B3GNT5: variants seen among roughly 807,000 people sequenced by gnomAD.
B3GNT5 encodes the protein lactosylceramide 1,3-N-acetyl-beta-D-glucosaminyltransferase.
In B3GNT5, 11 loss-of-function variants were observed where a neutral mutation model predicts 25.9. That is an observed-to-expected ratio of 0.42 (90% CI 0.27 to 0.70). The LOEUF (loss-of-function observed/expected upper bound fraction) is 0.70. Among genes scored for constraint, B3GNT5 ranks in the 30% least tolerant of loss-of-function variants. The pLI, the probability that B3GNT5 is intolerant of heterozygous loss-of-function variation, is 0.23. For synonymous variants in B3GNT5, 166 were observed against 158.6 expected, an observed-to-expected ratio of 1.05 and a Z score of -0.35; for missense variants, 385 against 458.4, an observed-to-expected ratio of 0.84 and a Z score of 1.46.
intron 1 of B3GNT5, chr3:183,254,198 C>A (rs1346314297): frequency 6.6e-6 from 1 of 151,962 alleles, no homozygotes; most frequent in African/African-American, 2.4e-5. Flanking sequence ...TGAGGGCACG[C>A]CGGCCCTCGC....
rs572468347 is a variant in B3GNT5, at chr3:183,267,186, C to A, written c.-301-2312C>A. On this transcript the variant is annotated intron_variant, in intron 1 of 1. Coordinates refer to ENST00000326505, the MANE Select transcript of B3GNT5 (RefSeq NM_032047.5). The surrounding 1 kb of genome is among the most constrained non-coding windows in gnomAD (Gnocchi z 5.5). ...AAAGTTTCACAAAATGATTCTTGCT[C>A]TTACTACTCTCAGTACACTCTGTAT... Among the ~76,000 whole-genome samples, 202 of 152,220 alleles carry A rather than the reference C, an allele frequency of 1.3e-3. 3 individuals are homozygous for A. In the South Asian group the frequency reaches 0.034, roughly 26 times the overall value.
Position 183,270,810 on chromosome 3 carries a change from G to T in B3GNT5, c.1012G>T (p.Asp338Tyr). The T allele has an allele frequency of 6.2e-7, 1 of 1,613,992 alleles. No homozygotes were observed. ...DLQDLWKNAT[D>Y]PKVKTISKGF... The stretch of plus-strand genomic sequence containing the variant: ...CCAGGACCTTTGGAAGAATGCTACA[G>T]ATCCTAAAGTAAAAACCATTTCCAA... Residue 338 changes from aspartate (D) to tyrosine (Y), a missense_variant, in exon 2 of 2, where the codon GAT becomes TAT. Transcript: ENST00000326505. This position sits in a 1 kb window ranked among gnomAD's most constrained non-coding sequence, Gnocchi z 4.5.
chr3:183,267,941 C>T lies in B3GNT5; in HGVS notation c.-301-1557C>T, dbSNP rs1036695125. On this transcript the variant is annotated intron_variant, in intron 1 of 1. Transcript: ENST00000326505. This position sits in a 1 kb window ranked among gnomAD's most constrained non-coding sequence, Gnocchi z 5.5. ...TGGGGAATGCCTACCAGGGGTCACA[C>T]ACTGAGCTGGATGCTGAGTGTAGGG... Among the ~76,000 whole-genome samples, 5 of 152,202 alleles carry T rather than the reference C, an allele frequency of 3.3e-5. No individual in the cohort carries two copies. The highest frequency in any genetic ancestry group is 1.2e-4 in the African/African-American group (5 of 41,434).
At chr3:183,257,417 A>G (rs528095199) in intron 1 of B3GNT5, among the ~76,000 whole-genome samples, 1 of 152,308 alleles carries the variant, frequency 6.6e-6, no homozygotes, top group East Asian at 1.9e-4. Context: ...TTAGCATCCT[A>G]TCCTGCCCAT....
intron 1 of B3GNT5, among the ~76,000 whole-genome samples, chr3:183,261,221 T>G (rs1052390371): frequency 6.6e-6 from 1 of 152,188 alleles, no homozygotes; most frequent in African/African-American, 2.4e-5. Context: ...AAATTATAGC[T>G]TTTCCAGTAA....
chr3:183,253,302 C>G lies in B3GNT5; in HGVS notation c.-472C>G, dbSNP rs1416457123. 1 of 152,040 alleles carries G rather than the reference C, an allele frequency of 6.6e-6. No individual in the cohort carries two copies. Among genetic ancestry groups the G allele is most frequent in the South Asian group, 2.1e-4 (1 of 4,830 alleles). 9.4% of individuals were successfully genotyped at this position (152,040 alleles called of 1,614,324 possible). A position where few individuals can be genotyped will look rare whatever the true frequency, so the allele number is the denominator to read the frequency against. The stretch of plus-strand genomic sequence containing the variant: ...GAAGCGAGCCCAGTCCAGCGCTGCC[C>G]GTCCAGTCCTCGCCCAAGATTTAAA... On this transcript the variant is annotated 5_prime_UTR_variant, in exon 1 of 2. Coordinates refer to ENST00000326505, the MANE Select transcript of B3GNT5 (RefSeq NM_032047.5).
chr3:183,253,628 C>A (rs947906405), intron 1 of B3GNT5, 156 bp downstream of exon 1: 3 of 152,334 alleles, frequency 2.0e-5, no homozygotes, highest in Non-Finnish European at 4.4e-5. Flanking sequence ...GACCAGAAAC[C>A]TTTTAACAAG....
At chr3:183,269,264 A>G (rs1726490571) in intron 1 of B3GNT5, among the ~76,000 whole-genome samples, 1 of 90,028 alleles carries the variant, frequency 1.1e-5, no homozygotes, top group African/African-American at 6.8e-5. Flanking sequence ...TAGGAGTAGA[A>G]AAAGGTCTCT....
chr3:183,272,178 T>A lies in B3GNT5; in HGVS notation c.*1243T>A. ...TGCATGTTCCTTGTAATCAAAGAGA[T>A]GTGTCTGAGATCTAATAGAGTAAGT... On this transcript the variant is annotated 3_prime_UTR_variant, in exon 2 of 2. Coordinates refer to ENST00000326505, the MANE Select transcript of B3GNT5 (RefSeq NM_032047.5). The A allele has an allele frequency of 1.0e-6, 1 of 1,000,284 alleles. No individual in the cohort carries two copies. The highest frequency in any genetic ancestry group is 1.7e-5 in the African/African-American group (1 of 57,364). 62.0% of individuals were successfully genotyped at this position (1,000,284 alleles called of 1,614,324 possible). A position where few individuals can be genotyped will look rare whatever the true frequency, so the allele number is the denominator to read the frequency against.
chr3:183,257,845 A>T (rs1045362411), intron 1 of B3GNT5, among the ~76,000 whole-genome samples: 2 of 151,728 alleles, frequency 1.3e-5, no homozygotes, highest in African/African-American at 4.8e-5. Context: ...TAGCCAAACT[A>T]AGTGATTTGA....
At chr3:183,262,487 T>G (rs1725702405) in intron 1 of B3GNT5, among the ~76,000 whole-genome samples, 1 of 152,136 alleles carries the variant, frequency 6.6e-6, no homozygotes, top group African/African-American at 2.4e-5. Context: ...ATCAAAATAT[T>G]ATACTGACTA....
At chr3:183,264,173 G>C (rs1381805539) in intron 1 of B3GNT5, among the ~76,000 whole-genome samples, 2 of 152,156 alleles carry the variant, frequency 1.3e-5, no homozygotes, top group Non-Finnish European at 2.9e-5. Context: ...TGATTTTCAA[G>C]GTTCTCCATA....
chr3:183,259,374 A>G (rs960728365), intron 1 of B3GNT5, among the ~76,000 whole-genome samples: 1 of 152,152 alleles, frequency 6.6e-6, no homozygotes, highest in Non-Finnish European at 1.5e-5. Context: ...AGGGCTGGGT[A>G]TGCATTTTAG....
intron 1 of B3GNT5, among the ~76,000 whole-genome samples, chr3:183,268,189 G>T (rs2108439912): frequency 6.6e-6 from 1 of 152,338 alleles, no homozygotes; most frequent in East Asian, 1.9e-4. Flanking sequence ...GTGTGACTGT[G>T]CTTTCAGCCA....
At chr3:183,269,178 C>T (rs1726457799) in intron 1 of B3GNT5, among the ~76,000 whole-genome samples, 2 of 142,780 alleles carry the variant, frequency 1.4e-5, no homozygotes, top group South Asian at 4.4e-4. Flanking sequence ...CATGAATGTA[C>T]CTGTTTGTGA....
chr3:183,270,705 T>G lies in B3GNT5; in HGVS notation c.907T>G (p.Phe303Val). The G allele has an allele frequency of 6.2e-7, 1 of 1,613,864 alleles. No individual in the cohort carries two copies. The highest frequency in any genetic ancestry group is 8.5e-7 in the Non-Finnish European group (1 of 1,179,894). ...GATAGTACCGCAGGACCATGTGTTT[T>G]TTTCTGGAGAGGGTAAAACTCCTTA... is the stretch of plus-strand genomic sequence containing the variant. ...IGIVPQDHVF[F>V]SGEGKTPYHP... Residue 303 changes from phenylalanine to valine, a missense_variant, in exon 2 of 2, where the codon TTT becomes GTT. Transcript: ENST00000326505. The surrounding 1 kb of genome is among the most constrained non-coding windows in gnomAD (Gnocchi z 4.5).
chr3:183,257,121 T>C (rs1433900075), intron 1 of B3GNT5, among the ~76,000 whole-genome samples: 2 of 152,210 alleles, frequency 1.3e-5, no homozygotes, highest in Non-Finnish European at 2.9e-5. Flanking sequence ...AAACAGATTC[T>C]AGAGAAAGGA....
Position 183,269,624 on chromosome 3 carries a change from A to G in B3GNT5, c.-175A>G. On this transcript the variant is annotated 5_prime_UTR_variant, in exon 2 of 2. Coordinates refer to ENST00000326505, the MANE Select transcript of B3GNT5 (RefSeq NM_032047.5). ...CTACAGGGTGTTCCATTCTTCCGCA[A>G]TCTCAGAAAAATGGGACTAAAAGAA... 1.7e-6 allele frequency: 1 copy of G among 592,944 alleles called. No homozygotes were observed. The highest frequency in any genetic ancestry group is 2.4e-5 in the South Asian group (1 of 41,118). The allele number at this position is 592,944 out of a possible 1,614,324, so 36.7% of individuals were successfully genotyped here.
intron 1 of B3GNT5, 52 bp downstream of exon 1, chr3:183,253,524 T>A (rs1315571242): frequency 9.2e-5 from 14 of 152,330 alleles, no homozygotes; most frequent in Admixed American, 7.2e-4. Context: ...TCTTCTCGTA[T>A]TTTAGAAACG....
Sources: allele counts gnomAD v4.1 joint callset (sites outside exome capture counted in the v4.1 genomes callset), GRCh38; gene constraint gnomAD v4.1.1; non-coding constraint Gnocchi (gnomAD v3.1); transcripts MANE v1.5; gene names NCBI Gene and HGNC (gene_info 2026-07-23, HGNC 2026-07-21).